KAT6A: variants seen among roughly 807,000 people sequenced by gnomAD.
The protein encoded by KAT6A is histone acetyltransferase KAT6A.
A neutral mutation model predicts 198.4 loss-of-function variants in KAT6A; 9 were observed. The observed-to-expected ratio is 0.05, with a 90% CI of 0.03 to 0.08. KAT6A has a LOEUF of 0.08. Ranked by LOEUF, KAT6A falls within the 10% of genes least tolerant of loss-of-function variation. The pLI is 1.00. For synonymous variants in KAT6A, 890 were observed against 883.0 expected (o/e 1.01, Z -0.14); for missense variants, 2,077 against 2,509.9 (o/e 0.83, Z 3.69).
At chr8:42,027,135 G>A (rs1305251267) in intron 2 of KAT6A, among the ~76,000 whole-genome samples, 2 of 152,088 alleles carry the variant, frequency 1.3e-5, no homozygotes, top group Non-Finnish European at 2.9e-5. Flanking sequence ...ATTAATCATG[G>A]TGTGTTATCT....
intron 3 of KAT6A, among the ~76,000 whole-genome samples, chr8:41,982,811 A>AT (rs970393895): frequency 3.9e-5 from 6 of 152,166 alleles, no homozygotes; most frequent in African/African-American, 1.4e-4. Flanking sequence ...TTTGTTATCT[A>AT]TTATTCTTAA....
At chr8:42,042,787 C>G (rs1406706356) in intron 2 of KAT6A, among the ~76,000 whole-genome samples, 1 of 152,182 alleles carries the variant, frequency 6.6e-6, no homozygotes, top group Non-Finnish European at 1.5e-5. Flanking sequence ...TTTTAATGAT[C>G]TGGCTGATTA....
chr8:41,940,943 C>G lies in KAT6A; in HGVS notation c.2938G>C (p.Val980Leu), dbSNP rs1822090787. 3 of 1,614,094 alleles carry G rather than the reference C, an allele frequency of 1.9e-6. No individual in the cohort carries two copies. The highest frequency in any genetic ancestry group is 1.3e-5 in the African/African-American group (1 of 74,932). The stretch of plus-strand genomic sequence containing the variant: ...CTGCTCTCACTGAAGCCCCTGAGGA[C>G]AGCCCTGTCACCCTCACTGTAGCGA... ...PRRYSEGDRA[V>L]LRGFSESSEE... The change falls in exon 15 of 17, where the codon GTC (valine) becomes CTC (leucine). Residue 980 changes from valine (V) to leucine (L), a missense_variant. Transcript: ENST00000265713.
At chr8:41,947,728 A>C (rs1358794808) in intron 11 of KAT6A, 23 bp downstream of exon 11, 4 of 1,573,946 alleles carry the variant, frequency 2.5e-6, no homozygotes, top group Non-Finnish European at 3.4e-6. Flanking sequence ...GAGTTCAAAC[A>C]AACTTTAAGC....
chr8:41,955,762 C>T (rs566294979), intron 8 of KAT6A, among the ~76,000 whole-genome samples: 8 of 152,134 alleles, frequency 5.3e-5, no homozygotes, highest in Non-Finnish European at 1.2e-4. Flanking sequence ...GAATAATTTA[C>T]AAGTGAGGGA....
At chr8:41,968,568 G>A (rs974610584) in intron 8 of KAT6A, among the ~76,000 whole-genome samples, 2 of 152,272 alleles carry the variant, frequency 1.3e-5, no homozygotes, top group Admixed American at 6.5e-5. Context: ...TCAGTGTGGC[G>A]ATTCCTCAGG....
chr8:42,039,826 C>T (rs1314191200), intron 2 of KAT6A, among the ~76,000 whole-genome samples: 4 of 151,888 alleles, frequency 2.6e-5, no homozygotes, highest in Non-Finnish European at 5.9e-5. Flanking sequence ...CTCCACCTCC[C>T]GGGTTCACGC....
intron 9 of KAT6A, among the ~76,000 whole-genome samples, chr8:41,951,179 AAAAAC>A (rs1822653580): frequency 6.6e-6 from 1 of 152,090 alleles, no homozygotes; most frequent in Non-Finnish European, 1.5e-5. Flanking sequence ...TTAAAAAAAA[AAAAAC>A]AAAACTTTAG....
chr8:42,029,945 CT>C (rs1249019150), intron 2 of KAT6A, among the ~76,000 whole-genome samples: 1 of 152,132 alleles, frequency 6.6e-6, no homozygotes, highest in Non-Finnish European at 1.5e-5. Flanking sequence ...AGGCATTTTT[CT>C]TTTTTTCCAC....
chr8:41,968,367 T>G (rs1001707493), intron 8 of KAT6A, among the ~76,000 whole-genome samples: 10 of 151,898 alleles, frequency 6.6e-5, no homozygotes, highest in African/African-American at 1.9e-4. Flanking sequence ...AAAAAACACA[T>G]GAAAAAATGC....
At chr8:41,940,347 G>A (rs1200525102) in intron 15 of KAT6A, among the ~76,000 whole-genome samples, 2 of 152,208 alleles carry the variant, frequency 1.3e-5, no homozygotes, top group Non-Finnish European at 2.9e-5. Flanking sequence ...AGTGGGGAGA[G>A]TAGAGAGAAA....
intron 13 of KAT6A, among the ~76,000 whole-genome samples, chr8:41,943,523 G>A (rs1398954791): frequency 2.0e-5 from 3 of 151,930 alleles, no homozygotes; most frequent in African/African-American, 7.3e-5. Flanking sequence ...AAAATTAGGG[G>A]TATCAGAAAA....
chr8:41,977,869 A>G (rs1458456256), intron 6 of KAT6A, among the ~76,000 whole-genome samples: 1 of 152,226 alleles, frequency 6.6e-6, no homozygotes, highest in Non-Finnish European at 1.5e-5. Context: ...TGTACATTTC[A>G]GGCTGCTAAT....
chr8:41,949,146 G>T, intron 10 of KAT6A, 76 bp downstream of exon 10: 1 of 938,886 alleles, frequency 1.1e-6, no homozygotes, highest in Non-Finnish European at 1.5e-6. Flanking sequence ...ACAATAGAAA[G>T]TTGCACAATA....
At chr8:41,990,115 T>C (rs1824856862) in intron 2 of KAT6A, among the ~76,000 whole-genome samples, 1 of 151,802 alleles carries the variant, frequency 6.6e-6, no homozygotes, top group Non-Finnish European at 1.5e-5. Context: ...GTCATGAGAT[T>C]TGAGCTTTAT....
intron 2 of KAT6A, among the ~76,000 whole-genome samples, chr8:42,010,771 C>T (rs1322264829): frequency 1.3e-5 from 2 of 152,206 alleles, no homozygotes; most frequent in East Asian, 1.9e-4. Context: ...GCATTATAAA[C>T]TGTTTGTGCT....
At chr8:41,987,653 C>A in intron 2 of KAT6A, 90 bp from the exon 3 acceptor site, 1 of 826,684 alleles carries the variant, frequency 1.2e-6, no homozygotes, top group South Asian at 1.6e-5. Context: ...AAATTCCTAC[C>A]AGAGTAAGTT....
At chr8:42,042,952 T>C (rs375906023) in intron 2 of KAT6A, among the ~76,000 whole-genome samples, 1 of 152,198 alleles carries the variant, frequency 6.6e-6, no homozygotes, top group South Asian at 2.1e-4. Context: ...AGACTCACTA[T>C]ATAAAGATAA....
intron 2 of KAT6A, among the ~76,000 whole-genome samples, chr8:42,019,157 G>C (rs934636438): frequency 6.6e-6 from 1 of 152,114 alleles, no homozygotes; most frequent in Non-Finnish European, 1.5e-5. Context: ...GAAGTCCTAA[G>C]ACTTTTAGTT....
Sources: allele counts gnomAD v4.1 joint callset (sites outside exome capture counted in the v4.1 genomes callset), GRCh38; gene constraint gnomAD v4.1.1; transcripts MANE v1.5; gene names NCBI Gene and HGNC (gene_info 2026-07-23, HGNC 2026-07-21).